GRM7: variants seen among roughly 807,000 people sequenced by gnomAD.
The protein encoded by GRM7 is glutamate metabotropic receptor 7.
A neutral mutation model predicts 84.5 loss-of-function variants in GRM7; 35 were observed. The observed-to-expected ratio is 0.41, with a 90% CI of 0.32 to 0.55. GRM7 has a LOEUF of 0.55. Ranked by LOEUF, GRM7 falls within the 20% of genes least tolerant of loss-of-function variation. The pLI, the probability that GRM7 is intolerant of heterozygous loss-of-function variation, is 0.19. For missense variants in GRM7, 1,003 were observed against 1,194.6 expected, an observed-to-expected ratio of 0.84 and a Z score of 2.36; for synonymous variants, 487 against 455.1, an observed-to-expected ratio of 1.07 and a Z score of -0.89.
intron 2 of GRM7, among the ~76,000 whole-genome samples, chr3:7,229,742 TATATATATATATATA>T (rs1559514575): frequency 1.5e-4 from 5 of 33,740 alleles, no homozygotes; most frequent in East Asian, 1.3e-3. Context: ...TATATATATA[TATATATATATATATA>T]TATTTTTTTT....
chr3:7,113,687 G>A (rs1356241573), intron 1 of GRM7, among the ~76,000 whole-genome samples: 1 of 152,056 alleles, frequency 6.6e-6, no homozygotes, highest in African/African-American at 2.4e-5. Context: ...GTTCTTCATG[G>A]CATATTAAAT....
intron 1 of GRM7, among the ~76,000 whole-genome samples, chr3:6,997,327 T>A (rs1025386951): frequency 6.6e-6 from 1 of 152,208 alleles, no homozygotes; most frequent in Admixed American, 6.5e-5. Context: ...TATAAAGACA[T>A]ACCCATAACT....
chr3:7,260,673 T>TTGTG (rs71063292), intron 2 of GRM7, among the ~76,000 whole-genome samples: 51,034 of 144,318 alleles, frequency 0.35, 9,030 homozygotes, highest in Middle Eastern at 0.48. Flanking sequence ...TTCTTTTGAA[T>TTGTG]TGTGTGTGTG....
At chr3:7,112,586 C>T (rs1433358322) in intron 1 of GRM7, among the ~76,000 whole-genome samples, 2 of 152,088 alleles carry the variant, frequency 1.3e-5, no homozygotes, top group South Asian at 2.1e-4. Context: ...AATTATCTTG[C>T]AATGGATGCT....
chr3:6,976,194 T>C (rs891660564), intron 1 of GRM7, among the ~76,000 whole-genome samples: 6 of 152,154 alleles, frequency 3.9e-5, no homozygotes, highest in African/African-American at 1.4e-4. Context: ...TTAAGAACAA[T>C]ACCAATTTTG....
intron 2 of GRM7, among the ~76,000 whole-genome samples, chr3:7,229,726 C>CATATATATAT (rs1162837346): frequency 7.0e-5 from 2 of 28,598 alleles, no homozygotes; most frequent in Non-Finnish European, 1.2e-4. Flanking sequence ...TAGACACACA[C>CATATATATAT]ATATATATAT....
At chr3:6,897,143 C>A (rs1696212514) in intron 1 of GRM7, among the ~76,000 whole-genome samples, 1 of 152,134 alleles carries the variant, frequency 6.6e-6, no homozygotes, top group African/African-American at 2.4e-5. Flanking sequence ...CTTTTGAATT[C>A]CAGCTGGGAA....
At chr3:7,013,595 C>A (rs1443361541) in intron 1 of GRM7, among the ~76,000 whole-genome samples, 1 of 151,936 alleles carries the variant, frequency 6.6e-6, no homozygotes, top group Non-Finnish European at 1.5e-5. Context: ...TCCCTTTATC[C>A]TCTCTCTTAT....
At chr3:7,703,069 T>C (rs1386733440) in intron 9 of GRM7, among the ~76,000 whole-genome samples, 1 of 152,140 alleles carries the variant, frequency 6.6e-6, no homozygotes, top group Non-Finnish European at 1.5e-5. Flanking sequence ...CAGGATTCTA[T>C]GTAATTGGTT....
intron 8 of GRM7, among the ~76,000 whole-genome samples, chr3:7,636,923 A>T (rs991444909): frequency 6.6e-6 from 1 of 152,222 alleles, no homozygotes; most frequent in Admixed American, 6.5e-5. Context: ...TGGTTTCATA[A>T]GATGCAATTA....
At chr3:6,933,413 C>T (rs1231065049) in intron 1 of GRM7, among the ~76,000 whole-genome samples, 1 of 152,074 alleles carries the variant, frequency 6.6e-6, no homozygotes, top group Non-Finnish European at 1.5e-5. Flanking sequence ...ATCATGTATA[C>T]ATAGAAGCAG....
chr3:7,444,013 C>T (rs949656219), intron 5 of GRM7, among the ~76,000 whole-genome samples: 7 of 152,128 alleles, frequency 4.6e-5, no homozygotes, highest in African/African-American at 1.7e-4. Flanking sequence ...AGCTATGGTT[C>T]CAGTGTTGTC....
rs1397585647 is a variant in GRM7 at position 7,572,841 on chromosome 3, T to A, written c.1516-5581T>A. 3.4e-3 allele frequency among the ~76,000 whole-genome samples: 53 copies of A among 15,720 alleles called. 7 individuals carry two copies. The South Asian group carries it at 0.096, about 28-fold the overall frequency. 10.3% of individuals were successfully genotyped at this position (15,720 alleles called of 152,430 possible). A position where few individuals can be genotyped will look rare whatever the true frequency, so the allele number is the denominator to read the frequency against. ...TATCTCAAATATATATATATATATA[T>A]ATATATATATATATATATATATATA... On this transcript the variant is annotated intron_variant, in intron 7 of 9. Coordinates refer to ENST00000357716, the MANE Select transcript of GRM7 (RefSeq NM_000844.4).
intron 1 of GRM7, among the ~76,000 whole-genome samples, chr3:7,065,438 G>C (rs1402534845): frequency 6.6e-6 from 1 of 151,722 alleles, no homozygotes; most frequent in Non-Finnish European, 1.5e-5. Flanking sequence ...ACCATTTGTT[G>C]AAAAGGGTAT....
intron 4 of GRM7, among the ~76,000 whole-genome samples, chr3:7,360,755 G>T (rs888851282): frequency 2.0e-5 from 3 of 152,024 alleles, no homozygotes; most frequent in Non-Finnish European, 4.4e-5. Context: ...CCTGATTATG[G>T]GCAAATAATC....
chr3:7,338,318 A>G lies in GRM7; in HGVS notation c.1033+31666A>G, dbSNP rs540176948. 4.4e-4 allele frequency among the ~76,000 whole-genome samples: 67 copies of G among 152,038 alleles called. 1 individual carries two copies. The highest frequency in any genetic ancestry group is 1.6e-3 in the African/African-American group (66 of 41,490). ...TATGAGGATGCAAAGGCATAAGAATAATATAATGGACTCTGGGGACTTGGG... is the reference window on the plus strand; with the variant it reads ...TATGAGGATGCAAAGGCATAAGAATGATATAATGGACTCTGGGGACTTGGG... On this transcript the variant is annotated intron_variant, in intron 4 of 9. Transcript: ENST00000357716.
intron 2 of GRM7, among the ~76,000 whole-genome samples, chr3:7,199,977 C>G (rs1696010592): frequency 6.6e-6 from 1 of 152,126 alleles, no homozygotes; most frequent in African/African-American, 2.4e-5. Flanking sequence ...ATTCTACAGG[C>G]TGGGAAGTTC....
chr3:7,093,612 G>C (rs1309529675), intron 1 of GRM7, among the ~76,000 whole-genome samples: 1 of 138,740 alleles, frequency 7.2e-6, no homozygotes, highest in Non-Finnish European at 1.5e-5. Context: ...AGGAGGCAGA[G>C]GTTGCAGTAA....
At chr3:7,433,506 G>A (rs1360654649) in intron 5 of GRM7, among the ~76,000 whole-genome samples, 2 of 152,166 alleles carry the variant, frequency 1.3e-5, no homozygotes, top group Non-Finnish European at 2.9e-5. Flanking sequence ...CCAGGTAGAA[G>A]GGTATGTGGT....
Sources: allele counts gnomAD v4.1 joint callset (sites outside exome capture counted in the v4.1 genomes callset), GRCh38; gene constraint gnomAD v4.1.1; transcripts MANE v1.5; gene names NCBI Gene and HGNC (gene_info 2026-07-23, HGNC 2026-07-21).